The following ANXA10 variants were observed in gnomAD, a reference collection of about 807,000 sequenced individuals.
ANXA10 encodes the protein annexin 14.
Under a neutral mutation model 53.5 loss-of-function variants are expected in ANXA10, and 49 were observed. That is an observed-to-expected ratio of 0.92 (90% CI 0.73 to 1.16). The LOEUF (loss-of-function observed/expected upper bound fraction) is 1.16. Ranked by LOEUF, ANXA10 falls within the 50% of genes most tolerant of loss-of-function variation. The probability of loss-of-function intolerance (pLI) is 0.00; values close to 1 mark genes in which losing one functional copy is unlikely to be tolerated. For missense variants in ANXA10, 393 were observed against 394.4 expected, an observed-to-expected ratio of 1.00 and a Z score of 0.03; for synonymous variants, 131 against 128.9, an observed-to-expected ratio of 1.02 and a Z score of -0.11.
chr4:168,184,928 G>A (rs1420673195), intron 11 of ANXA10, among the ~76,000 whole-genome samples: 1 of 152,152 alleles, frequency 6.6e-6, no homozygotes, highest in Non-Finnish European at 1.5e-5. Context: ...GCTGAGGCAG[G>A]CAGATCACGA....
intron 2 of ANXA10, among the ~76,000 whole-genome samples, chr4:168,132,407 C>T (rs760328414): frequency 1.4e-4 from 22 of 151,774 alleles, no homozygotes; most frequent in Non-Finnish European, 2.1e-4. Context: ...CACTTATTTA[C>T]GAGATCTAAA....
At chr4:168,130,663 T>A (rs1466084114) in intron 2 of ANXA10, among the ~76,000 whole-genome samples, 3 of 152,018 alleles carry the variant, frequency 2.0e-5, no homozygotes, top group Non-Finnish European at 4.4e-5. Flanking sequence ...ATGGGCCCAT[T>A]CAGATTGTCT....
intron 3 of ANXA10, among the ~76,000 whole-genome samples, chr4:168,156,212 T>C (rs1731667810): frequency 7.2e-5 from 1 of 13,822 alleles, no homozygotes; most frequent in African/African-American, 3.8e-4. Context: ...TATATTATAT[T>C]ATATGTAATA....
chr4:168,109,360 GT>G (rs367709309), intron 1 of ANXA10, among the ~76,000 whole-genome samples: 5 of 152,180 alleles, frequency 3.3e-5, no homozygotes, highest in Admixed American at 1.3e-4. Context: ...ATGTGCTCAA[GT>G]TTTTTTAAAT....
intron 2 of ANXA10, among the ~76,000 whole-genome samples, chr4:168,138,001 G>T (rs1578910200): frequency 7.3e-6 from 1 of 137,812 alleles, no homozygotes; most frequent in Non-Finnish European, 1.5e-5. Flanking sequence ...TTACTCTGTT[G>T]CCCAGGCTGG....
At chr4:168,173,882 T>C (rs922952228) in intron 6 of ANXA10, among the ~76,000 whole-genome samples, 1 of 152,272 alleles carries the variant, frequency 6.6e-6, no homozygotes, top group Admixed American at 6.5e-5. Flanking sequence ...GGTGCCTTTT[T>C]TTTAGCCTTT....
intron 1 of ANXA10, among the ~76,000 whole-genome samples, chr4:168,118,736 G>T (rs1161171729): frequency 6.6e-6 from 1 of 152,074 alleles, no homozygotes; most frequent in Admixed American, 6.6e-5. Context: ...AAATATGTGT[G>T]TATATATATT....
chr4:168,119,788 C>T (rs1193643311), intron 1 of ANXA10, among the ~76,000 whole-genome samples: 1 of 151,880 alleles, frequency 6.6e-6, no homozygotes, highest in African/African-American at 2.4e-5. Flanking sequence ...GTTGTGTCCC[C>T]CAAACAAATT....
intron 2 of ANXA10, among the ~76,000 whole-genome samples, chr4:168,137,435 C>T (rs990821359): frequency 3.3e-5 from 5 of 152,144 alleles, no homozygotes; most frequent in Admixed American, 1.3e-4. Flanking sequence ...CTCTTCCACC[C>T]TCTCACTGTT....
intron 3 of ANXA10, among the ~76,000 whole-genome samples, chr4:168,141,378 T>C (rs6818944): frequency 0.33 from 50,232 of 152,112 alleles, 8,409 homozygotes; most frequent in Admixed American, 0.4. Context: ...CTTCATCATT[T>C]TGTGCCCAGA....
intron 1 of ANXA10, among the ~76,000 whole-genome samples, chr4:168,094,933 T>C (rs1482794580): frequency 6.6e-6 from 1 of 152,126 alleles, no homozygotes; most frequent in Non-Finnish European, 1.5e-5. Context: ...ATTTTACTTA[T>C]GTGCTTGACT....
intron 2 of ANXA10, among the ~76,000 whole-genome samples, chr4:168,137,179 A>T (rs549710856): frequency 6.6e-6 from 1 of 152,364 alleles, no homozygotes; most frequent in South Asian, 2.1e-4. Context: ...TAATCAGCTT[A>T]AAGGTCAAGG....
intron 2 of ANXA10, among the ~76,000 whole-genome samples, chr4:168,130,834 ATCTC>A (rs139728408): frequency 2.0e-5 from 3 of 148,928 alleles, no homozygotes; most frequent in African/African-American, 2.5e-5. Flanking sequence ...CGTAAGTTTT[ATCTC>A]TCTCTCTCTC....
intron 1 of ANXA10, among the ~76,000 whole-genome samples, chr4:168,124,700 T>C (rs764051053): frequency 6.6e-6 from 1 of 152,178 alleles, no homozygotes; most frequent in Admixed American, 6.6e-5. Flanking sequence ...CTGGGACATG[T>C]TCATAAGCCT....
At chr4:168,170,135 C>T (rs1481990991) in intron 6 of ANXA10, among the ~76,000 whole-genome samples, 2 of 151,852 alleles carry the variant, frequency 1.3e-5, no homozygotes, top group Non-Finnish European at 2.9e-5. Flanking sequence ...TATATAATAT[C>T]GTTTGTGTAG....
chr4:168,179,802 T>C (rs1229526110), intron 9 of ANXA10, among the ~76,000 whole-genome samples: 1 of 152,210 alleles, frequency 6.6e-6, no homozygotes, highest in Non-Finnish European at 1.5e-5. Flanking sequence ...CAGGCTATTG[T>C]GATAGTGGCA....
At chr4:168,182,812 T>C (rs1160186265) in intron 10 of ANXA10, among the ~76,000 whole-genome samples, 9 of 149,252 alleles carry the variant, frequency 6.0e-5, no homozygotes, top group African/African-American at 2.0e-4. Context: ...AGATCTAGAC[T>C]GTCCTGGCTA....
intron 6 of ANXA10, among the ~76,000 whole-genome samples, chr4:168,166,682 T>C (rs1224775697): frequency 8.8e-6 from 1 of 113,628 alleles, no homozygotes; most frequent in African/African-American, 3.2e-5. Flanking sequence ...GTGTGTGTGT[T>C]TGAAATGAAG....
chr4:168,164,429 C>T, intron 5 of ANXA10, 141 bp downstream of exon 5: 1 of 643,876 alleles, frequency 1.6e-6, no homozygotes, highest in Non-Finnish European at 2.6e-6. Flanking sequence ...CCAATTAACT[C>T]ATTAGGTAAA....
Sources: gnomAD v4.1 joint callset for allele counts (sites outside exome capture counted in the v4.1 genomes callset) on GRCh38, gnomAD v4.1.1 for gene constraint, MANE v1.5 for transcripts, NCBI Gene and HGNC (gene_info 2026-07-23, HGNC 2026-07-21) for gene names.